The following DNAH7 variants were observed in gnomAD, a reference collection of about 807,000 sequenced individuals.
The protein encoded by DNAH7 is axonemal beta dynein heavy chain 7.
A neutral mutation model predicts 444.6 loss-of-function variants in DNAH7; 397 were observed. That is an observed-to-expected ratio of 0.89 (90% CI 0.82 to 0.97). The LOEUF (loss-of-function observed/expected upper bound fraction) is 0.97, where lower values mean the gene tolerates loss of function less well. DNAH7 is among the 50% of genes least tolerant of loss of function. The probability of loss-of-function intolerance (pLI) is 0.00; values close to 1 mark genes in which losing one functional copy is unlikely to be tolerated. For missense variants in DNAH7, 4,902 were observed against 4,800.8 expected, an observed-to-expected ratio of 1.02 and a Z score of -0.62; for synonymous variants, 1,636 against 1,624.4, an observed-to-expected ratio of 1.01 and a Z score of -0.17.
chr2:196,068,537 G>T (rs1464558520), intron 1 of DNAH7, 160 bp downstream of exon 1: 1 of 937,954 alleles, frequency 1.1e-6, no homozygotes, highest in Non-Finnish European at 1.6e-6. Context: ...GGCATTCACG[G>T]AAAGCGCTCA....
Position 195,858,910 on chromosome 2 carries a change from A to T in DNAH7, c.7737-106T>A, listed in dbSNP as rs1699870631. ...TTCTAGGCTTTTTCAAGACATAACT[A>T]CGGAGTGGTCTAAAAGATTTTCATA... On this transcript the variant is annotated intron_variant, in intron 42 of 64. Coordinates refer to ENST00000312428, the MANE Select transcript of DNAH7 (RefSeq NM_018897.3). The T allele has an allele frequency of 1.6e-5, 14 of 894,608 alleles. No homozygotes were observed. In the South Asian group the frequency reaches 2.5e-4, roughly 16 times the overall value. 55.4% of individuals were successfully genotyped at this position (894,608 alleles called of 1,614,324 possible).
chr2:195,931,917 G>A (rs1169042087), intron 21 of DNAH7, among the ~76,000 whole-genome samples: 2 of 152,064 alleles, frequency 1.3e-5, no homozygotes, highest in African/African-American at 2.4e-5. Context: ...CTCTTTTTTG[G>A]TTCCATATGA....
intron 17 of DNAH7, among the ~76,000 whole-genome samples, chr2:195,962,162 G>C (rs756663602): frequency 6.6e-6 from 1 of 152,156 alleles, no homozygotes; most frequent in Non-Finnish European, 1.5e-5. Context: ...TGGGTTACGA[G>C]GTTACTTAAA....
intron 19 of DNAH7, among the ~76,000 whole-genome samples, chr2:195,951,163 G>A (rs12475069): frequency 6.6e-6 from 1 of 152,104 alleles, no homozygotes; most frequent in African/African-American, 2.4e-5. Flanking sequence ...CGGCTTCAAA[G>A]AACTTATTTA....
chr2:196,032,514 C>T (rs1047871579), intron 5 of DNAH7, among the ~76,000 whole-genome samples: 2 of 151,980 alleles, frequency 1.3e-5, no homozygotes, highest in Non-Finnish European at 2.9e-5. Context: ...AGCTTTCTGC[C>T]AACAAATTAC....
At chr2:196,052,229 G>A (rs1321065854) in intron 2 of DNAH7, among the ~76,000 whole-genome samples, 1 of 152,140 alleles carries the variant, frequency 6.6e-6, no homozygotes, top group African/African-American at 2.4e-5. Flanking sequence ...TAAGGCTTTG[G>A]GGAAGGGACG....
intron 57 of DNAH7, among the ~76,000 whole-genome samples, chr2:195,792,251 A>T (rs115054894): frequency 0.037 from 5,610 of 151,570 alleles, 317 homozygotes; most frequent in East Asian, 0.26. Flanking sequence ...GCTTAAAAAC[A>T]GTTGGGTACT....
intron 10 of DNAH7, among the ~76,000 whole-genome samples, chr2:196,008,467 TA>T (rs1694518932): frequency 6.6e-6 from 1 of 152,094 alleles, no homozygotes; most frequent in Non-Finnish European, 1.5e-5. Flanking sequence ...TTATGCAAAA[TA>T]AATGTTCATA....
chr2:196,007,491 CCA>C (rs945676487), intron 10 of DNAH7, among the ~76,000 whole-genome samples: 1 of 152,056 alleles, frequency 6.6e-6, no homozygotes, highest in African/African-American at 2.4e-5. Context: ...GTTCTGTTTA[CCA>C]CACAGGAAAA....
chr2:195,873,597 A>G lies in DNAH7; in HGVS notation c.6384T>C (p.Ser2128=). ...FSDKSMYTIF[S]RILTWHLEIC... is the part of the protein sequence containing the mutation. ...TTTCTAAATGCCAAGTTAAGATTCT[A>G]GAGAAGATTGTATACATGGATTTAT... is the stretch of plus-strand genomic sequence containing the variant. The change falls in exon 39 of 65, where the codon TCT becomes TCC. Residue 2128 remains serine (S), a synonymous_variant. Transcript: ENST00000312428. The G allele has an allele frequency of 1.4e-6, 2 of 1,456,900 alleles. No individual in the cohort carries two copies. The highest frequency in any genetic ancestry group is 1.8e-6 in the Non-Finnish European group (2 of 1,094,934). The allele number at this position is 1,456,900 out of a possible 1,614,324, so 90.2% of individuals were successfully genotyped here.
intron 63 of DNAH7, among the ~76,000 whole-genome samples, chr2:195,750,535 T>G (rs1407744270): frequency 6.6e-6 from 1 of 152,192 alleles, no homozygotes; most frequent in African/African-American, 2.4e-5. Context: ...TTAAGAAAAC[T>G]TTCGTTGAGA....
chr2:195,944,627 A>G (rs533369848), intron 19 of DNAH7, among the ~76,000 whole-genome samples: 30 of 152,296 alleles, frequency 2.0e-4, no homozygotes, highest in African/African-American at 7.0e-4. Context: ...TGCAATAAGT[A>G]AACTATCTTT....
chr2:196,011,485 AAC>A (rs1188587913), intron 10 of DNAH7, among the ~76,000 whole-genome samples: 1 of 152,124 alleles, frequency 6.6e-6, no homozygotes, highest in East Asian at 1.9e-4. Context: ...GAACTAGAGA[AAC>A]ACAGCAGCAC....
intron 5 of DNAH7, among the ~76,000 whole-genome samples, chr2:196,045,558 G>T (rs955726831): frequency 2.6e-5 from 4 of 151,418 alleles, no homozygotes. Flanking sequence ...GAGAATATGG[G>T]TACTTAAGGA....
chr2:195,885,729 C>T (rs188272723), intron 34 of DNAH7, among the ~76,000 whole-genome samples: 7 of 152,178 alleles, frequency 4.6e-5, no homozygotes, highest in Admixed American at 3.3e-4. Flanking sequence ...TATACACACA[C>T]ACACATACAA....
At chr2:195,749,391 A>G (rs1204727367) in intron 63 of DNAH7, among the ~76,000 whole-genome samples, 2 of 151,738 alleles carry the variant, frequency 1.3e-5, no homozygotes, top group Non-Finnish European at 3.0e-5. Context: ...GTGGGACTGT[A>G]AACTAGTTCA....
At chr2:195,869,430 G>A (rs903886864) in intron 40 of DNAH7, among the ~76,000 whole-genome samples, 7 of 152,058 alleles carry the variant, frequency 4.6e-5, no homozygotes, top group African/African-American at 1.7e-4. Context: ...TGCTCTCATG[G>A]GGCTTGCCTG....
chr2:195,907,052 C>T (rs1687071548), intron 25 of DNAH7, 43 bp from the exon 26 acceptor site: 2 of 1,428,762 alleles, frequency 1.4e-6, no homozygotes, highest in Admixed American at 3.7e-5. Context: ...TTATCTGATT[C>T]AATGTTGCAA....
intron 54 of DNAH7, among the ~76,000 whole-genome samples, chr2:195,804,922 G>A (rs555898150): frequency 2.0e-5 from 3 of 152,200 alleles, no homozygotes; most frequent in Non-Finnish European, 2.9e-5. Flanking sequence ...GAGGGCTAAA[G>A]TACTAGGCAA....
Sources: allele counts gnomAD v4.1 joint callset (sites outside exome capture counted in the v4.1 genomes callset), GRCh38; gene constraint gnomAD v4.1.1; transcripts MANE v1.5; gene names NCBI Gene and HGNC (gene_info 2026-07-23, HGNC 2026-07-21).